CPB2: variants seen among roughly 807,000 people sequenced by gnomAD.
CPB2 encodes carboxypeptidase B-like protein.
A neutral mutation model predicts 57.0 loss-of-function variants in CPB2; 54 were observed. The ratio of observed to expected loss-of-function variants is 0.95; its 90% confidence interval spans 0.76 to 1.19. The LOEUF (loss-of-function observed/expected upper bound fraction) is 1.19, where lower values mean the gene tolerates loss of function less well. Ranked by LOEUF, CPB2 falls within the 50% of genes most tolerant of loss-of-function variation. CPB2 has a pLI of 0.00. For synonymous variants in CPB2, 189 were observed against 178.1 expected, an observed-to-expected ratio of 1.06 and a Z score of -0.49; for missense variants, 426 against 512.0, an observed-to-expected ratio of 0.83 and a Z score of 1.62.
chr13:46,098,670 A>G (rs1448377011), intron 1 of CPB2: 1 of 152,318 alleles, frequency 6.6e-6, no homozygotes, highest in African/African-American at 2.4e-5. Context: ...CCTCCAAGGT[A>G]CAATCCACAC....
intron 1 of CPB2, chr13:46,099,151 T>C (rs1373879273): frequency 2.0e-5 from 3 of 152,154 alleles, no homozygotes; most frequent in African/African-American, 7.2e-5. Context: ...GGCAGAATTT[T>C]GCTAAACGAA....
chr13:46,064,705 TC>T lies in CPB2; in HGVS notation c.738del (p.Asn247ThrfsTer9), dbSNP rs2139359066. Reference protein sequence around the residue: ...RMWRKNRSFYANNHCIGTDLN... With the variant: ...RMWRKNRSFYXNNHCIGTDLN... ...AGGTCTGTTCCGATGCAATGATTGTTCGCATAGAAAGAACGGTTCTTTCTCC... is the reference window on the plus strand; with the variant it reads ...AGGTCTGTTCCGATGCAATGATTGTTGCATAGAAAGAACGGTTCTTTCTCC... On this transcript the variant is annotated frameshift_variant, in exon 8 of 11. Coordinates refer to ENST00000181383, the MANE Select transcript of CPB2 (RefSeq NM_001872.5). LOFTEE classifies it high-confidence loss of function. 6.2e-7 allele frequency: 1 copy of T among 1,614,158 alleles called. No homozygotes were observed. The highest frequency in any genetic ancestry group is 8.5e-7 in the Non-Finnish European group (1 of 1,179,992).
chr13:46,065,764 G>A (rs371626224), intron 7 of CPB2, among the ~76,000 whole-genome samples: 15 of 152,072 alleles, frequency 9.9e-5, no homozygotes, highest in African/African-American at 3.4e-4. Context: ...CCAGGCCTGT[G>A]GTTCCGTGGC....
intron 5 of CPB2, among the ~76,000 whole-genome samples, chr13:46,074,330 G>A (rs1006286735): frequency 2.0e-5 from 3 of 152,210 alleles, no homozygotes; most frequent in African/African-American, 7.2e-5. Context: ...GCTTCATTTA[G>A]AGGTAAATGG....
chr13:46,055,515 C>T (rs2044685472), intron 10 of CPB2, among the ~76,000 whole-genome samples: 1 of 152,134 alleles, frequency 6.6e-6, no homozygotes, highest in Non-Finnish European at 1.5e-5. Context: ...TTCTGTAATT[C>T]CTACTTGATT....
chr13:46,067,464 T>A, intron 6 of CPB2, 47 bp from the exon 7 acceptor site: 2 of 930,724 alleles, frequency 2.1e-6, no homozygotes, highest in Non-Finnish European at 3.5e-6. Context: ...TAAGTTCTTC[T>A]AAACTTAGTG....
intron 2 of CPB2, 26 bp downstream of exon 2, chr13:46,087,719 A>G: frequency 6.6e-7 from 1 of 1,513,196 alleles, no homozygotes; most frequent in Non-Finnish European, 9.1e-7. Context: ...TGAAACCAAT[A>G]TAAACATAAA....
At chr13:46,092,262 G>GT (rs1477399692) in intron 1 of CPB2, among the ~76,000 whole-genome samples, 38 of 152,208 alleles carry the variant, frequency 2.5e-4, no homozygotes, top group African/African-American at 8.9e-4. Context: ...GCAACATTAT[G>GT]ACTAAATGCA....
chr13:46,094,456 A>G (rs2045337591), intron 1 of CPB2, among the ~76,000 whole-genome samples: 1 of 152,066 alleles, frequency 6.6e-6, no homozygotes, highest in African/African-American at 2.4e-5. Context: ...TGTTGTGACT[A>G]CCCTAGGTTA....
intron 4 of CPB2, among the ~76,000 whole-genome samples, chr13:46,082,148 A>T (rs904753997): frequency 3.3e-5 from 5 of 152,198 alleles, no homozygotes; most frequent in Non-Finnish European, 5.9e-5. Context: ...AGTTTTAATT[A>T]AAAGCCCCAA....
chr13:46,070,977 G>T (rs1420010555), intron 6 of CPB2, among the ~76,000 whole-genome samples: 3 of 152,178 alleles, frequency 2.0e-5, no homozygotes, highest in Admixed American at 2.0e-4. Context: ...AATTACTTTA[G>T]ACCTGGTCTC....
intron 5 of CPB2, among the ~76,000 whole-genome samples, chr13:46,075,518 A>G (rs2045008960): frequency 6.6e-6 from 1 of 152,228 alleles, no homozygotes; most frequent in Non-Finnish European, 1.5e-5. Context: ...TACACACAAC[A>G]TGGCTGAAAG....
At chr13:46,089,437 C>A (rs1038081198) in intron 1 of CPB2, among the ~76,000 whole-genome samples, 24 of 152,134 alleles carry the variant, frequency 1.6e-4, no homozygotes, top group African/African-American at 5.5e-4. Flanking sequence ...TGCACGTGCC[C>A]CCTCTCATCC....
chr13:46,067,330 C>T lies in CPB2; in HGVS notation c.679G>A (p.Gly227Ser). 6.4e-7 allele frequency: 1 copy of T among 1,564,444 alleles called. No homozygotes were observed. The highest frequency in any genetic ancestry group is 8.8e-7 in the Non-Finnish European group (1 of 1,135,260). Residue 227 changes from glycine to serine, a missense_variant, in exon 7 of 11, where the codon GGT (glycine) becomes AGT (serine). Gly to Ser is a moderately conservative substitution (Grantham distance 56, BLOSUM62 0). Transcript: ENST00000181383. Reference sequence around the variant, plus strand: ...ACCTTTTTCCATGAGTAGTCATAACCATCCACATTAACCACTGGCATAACA... The same window carrying T: ...ACCTTTTTCCATGAGTAGTCATAACTATCCACATTAACCACTGGCATAACA... ...FYVMPVVNVD[G>S]YDYSWKKNRM...
intron 8 of CPB2, 72 bp downstream of exon 8, chr13:46,064,576 T>C: frequency 8.3e-7 from 1 of 1,208,884 alleles, no homozygotes; most frequent in Non-Finnish European, 1.2e-6. Flanking sequence ...TAATTTGAAT[T>C]CATGGGCCTT....
At chr13:46,064,854 A>G (rs1486025636) in intron 7 of CPB2, 113 bp from the exon 8 acceptor site, 3 of 736,078 alleles carry the variant, frequency 4.1e-6, no homozygotes, top group East Asian at 5.4e-5. Context: ...CTTCAATCCC[A>G]TACCTTGCAT....
intron 2 of CPB2, among the ~76,000 whole-genome samples, chr13:46,085,276 C>T (rs2045185642): frequency 6.6e-6 from 1 of 152,210 alleles, no homozygotes; most frequent in African/African-American, 2.4e-5. Flanking sequence ...TAAAATCATA[C>T]ACCTAGAAAT....
chr13:46,065,380 A>C (rs779801737), intron 7 of CPB2, among the ~76,000 whole-genome samples: 37 of 152,114 alleles, frequency 2.4e-4, no homozygotes, highest in Non-Finnish European at 3.8e-4. Context: ...TAATCCCAGC[A>C]CTTTGGGAGG....
At chr13:46,102,434 T>C (rs1438632925) in intron 1 of CPB2, among the ~76,000 whole-genome samples, 1 of 151,942 alleles carries the variant, frequency 6.6e-6, no homozygotes, top group East Asian at 1.9e-4. Context: ...TTAAAACTTG[T>C]TGTTGTTCCA....
Sources: gnomAD v4.1 joint callset for allele counts (sites outside exome capture counted in the v4.1 genomes callset) on GRCh38, gnomAD v4.1.1 for gene constraint, MANE v1.5 for transcripts, NCBI Gene and HGNC (gene_info 2026-07-23, HGNC 2026-07-21) for gene names.